The following DNM3 variants were observed in gnomAD, a reference collection of about 807,000 sequenced individuals.
DNM3 encodes dynamin-3.
A neutral mutation model predicts 101.6 loss-of-function variants in DNM3; 47 were observed. The observed-to-expected ratio is 0.46, with a 90% CI of 0.37 to 0.59. The LOEUF (loss-of-function observed/expected upper bound fraction) is 0.59, where lower values mean the gene tolerates loss of function less well. DNM3 is among the 20% of genes least tolerant of loss of function. DNM3 has a pLI of 0.00. For synonymous variants in DNM3, 385 were observed against 387.9 expected (o/e 0.99, Z 0.09); for missense variants, 849 against 1,085.7 (o/e 0.78, Z 3.06).
At chr1:171,949,149 G>A (rs1272459421) in intron 2 of DNM3, among the ~76,000 whole-genome samples, 1 of 152,068 alleles carries the variant, frequency 6.6e-6, no homozygotes, top group Non-Finnish European at 1.5e-5. Flanking sequence ...TTAAATATAA[G>A]TAAAATATTA....
chr1:172,220,653 A>G (rs2060874043), intron 14 of DNM3, among the ~76,000 whole-genome samples: 1 of 152,140 alleles, frequency 6.6e-6, no homozygotes, highest in African/African-American at 2.4e-5. Context: ...TGGTAGAGGA[A>G]ATGGAGATCG....
chr1:172,311,300 G>A (rs1181883776), intron 16 of DNM3: 3 of 147,302 alleles, frequency 2.0e-5, no homozygotes, highest in East Asian at 4.0e-4. Context: ...TTGTATGCTT[G>A]GTTATTTATC....
chr1:172,062,555 G>A (rs954043235), intron 10 of DNM3, among the ~76,000 whole-genome samples: 18 of 152,006 alleles, frequency 1.2e-4, no homozygotes, highest in African/African-American at 4.4e-4. Context: ...AATATTTGAG[G>A]TTTCTGGATT....
At chr1:172,378,520 G>GC (rs11390209) in intron 17 of DNM3, among the ~76,000 whole-genome samples, 152,164 of 152,176 alleles carry the variant, frequency 1, 76,076 homozygotes, top group Middle Eastern at 1. Flanking sequence ...TTGGCTTCAG[G>GC]CAGCCCTACA....
Position 171,906,057 on chromosome 1 carries a change from G to T in DNM3, c.162-15691G>T, listed in dbSNP as rs549565268. On this transcript the variant is annotated intron_variant, in intron 1 of 20. Transcript: ENST00000627582. ...GCTTGTAATATTGTTGCTTTCAAAGGTTTGCTGAAGAAATGAATGAAATGG... is the reference window on the plus strand; with the variant it reads ...GCTTGTAATATTGTTGCTTTCAAAGTTTTGCTGAAGAAATGAATGAAATGG... Among the ~76,000 whole-genome samples the T allele has an allele frequency of 2.0e-5, 3 of 151,726 alleles. No homozygotes were observed. The South Asian group carries it at 6.3e-4, about 32-fold the overall frequency.
At chr1:172,130,240 A>C (rs916250664) in intron 13 of DNM3, among the ~76,000 whole-genome samples, 1 of 152,220 alleles carries the variant, frequency 6.6e-6, no homozygotes, top group African/African-American at 2.4e-5. Flanking sequence ...AGTGTAGGAC[A>C]GTTTTTGACC....
intron 2 of DNM3, among the ~76,000 whole-genome samples, chr1:171,957,642 A>AC (rs2042951841): frequency 6.6e-6 from 1 of 152,164 alleles, no homozygotes; most frequent in Non-Finnish European, 1.5e-5. Flanking sequence ...CCCGCCAGGT[A>AC]CCCTAAATCA....
At chr1:172,194,937 A>T (rs943649841) in intron 14 of DNM3, among the ~76,000 whole-genome samples, 1 of 152,024 alleles carries the variant, frequency 6.6e-6, no homozygotes, top group Non-Finnish European at 1.5e-5. Flanking sequence ...TCATTAGTTG[A>T]TGCAGTTTCT....
chr1:172,306,816 G>C (rs112781926), intron 15 of DNM3, among the ~76,000 whole-genome samples: 5,862 of 152,124 alleles, frequency 0.039, 352 homozygotes, highest in African/African-American at 0.13. Context: ...GGAAAACTGG[G>C]TAGCCATATG....
At chr1:171,980,630 T>C (rs1571934285) in intron 2 of DNM3, among the ~76,000 whole-genome samples, 3 of 152,182 alleles carry the variant, frequency 2.0e-5, no homozygotes, top group African/African-American at 7.2e-5. Context: ...TCTCAGTCTC[T>C]AGTAACCACT....
intron 16 of DNM3, among the ~76,000 whole-genome samples, chr1:172,314,609 C>T (rs1044221039): frequency 1.3e-5 from 2 of 152,218 alleles, no homozygotes; most frequent in Non-Finnish European, 2.9e-5. Context: ...CTCAGAGGGT[C>T]CTACGCCCAC....
intron 14 of DNM3, among the ~76,000 whole-genome samples, chr1:172,252,972 A>G (rs886153361): frequency 7.2e-5 from 11 of 152,210 alleles, no homozygotes; most frequent in African/African-American, 2.4e-4. Context: ...CAGAATTCAT[A>G]TTTTATTCTA....
chr1:171,902,455 T>G (rs2038444481), intron 1 of DNM3, among the ~76,000 whole-genome samples: 1 of 152,174 alleles, frequency 6.6e-6, no homozygotes, highest in African/African-American at 2.4e-5. Flanking sequence ...ATGTGAGAAA[T>G]GTTTTTGTCT....
intron 1 of DNM3, among the ~76,000 whole-genome samples, chr1:171,889,645 C>T (rs2037087245): frequency 6.6e-6 from 1 of 151,912 alleles, no homozygotes; most frequent in African/African-American, 2.4e-5. Flanking sequence ...GAGAATTGGC[C>T]AAAGTTTTTG....
intron 2 of DNM3, among the ~76,000 whole-genome samples, chr1:171,965,550 C>CAA (rs761095968): frequency 2.6e-5 from 3 of 115,054 alleles, no homozygotes; most frequent in African/African-American, 9.5e-5. Context: ...GACCCTGTCT[C>CAA]AAAAAAAAAA....
chr1:172,336,330 A>T (rs12081260), intron 17 of DNM3, among the ~76,000 whole-genome samples: 20,857 of 152,094 alleles, frequency 0.14, 1,808 homozygotes, highest in African/African-American at 0.24. Flanking sequence ...GCACTTTCTA[A>T]TGTTTATACT....
intron 20 of DNM3, chr1:172,418,178 T>A: frequency 1.1e-6 from 1 of 921,376 alleles, no homozygotes; most frequent in Non-Finnish European, 1.5e-6. Flanking sequence ...TATTTTTGCA[T>A]GCTATTATTT....
intron 17 of DNM3, among the ~76,000 whole-genome samples, chr1:172,333,088 G>A (rs1188416721): frequency 6.6e-6 from 1 of 152,130 alleles, no homozygotes; most frequent in Non-Finnish European, 1.5e-5. Context: ...AAGAACAGGA[G>A]AGTGTGTGTA....
chr1:171,963,588 G>C (rs1047304899), intron 2 of DNM3, among the ~76,000 whole-genome samples: 1 of 152,066 alleles, frequency 6.6e-6, no homozygotes, highest in Non-Finnish European at 1.5e-5. Context: ...GATGCATGTT[G>C]ATATTGGGGT....
Sources: gnomAD v4.1 joint callset for allele counts (sites outside exome capture counted in the v4.1 genomes callset) on GRCh38, gnomAD v4.1.1 for gene constraint, MANE v1.5 for transcripts, NCBI Gene and HGNC (gene_info 2026-07-23, HGNC 2026-07-21) for gene names.